PIP5K1B: variants seen among roughly 807,000 people sequenced by gnomAD.
The protein encoded by PIP5K1B is phosphatidylinositol-4-phosphate 5-kinase type 1 beta, also known as phosphatidylinositol 4-phosphate 5-kinase type-1 beta.
A neutral mutation model predicts 67.0 loss-of-function variants in PIP5K1B; 42 were observed. The ratio of observed to expected loss-of-function variants is 0.63; its 90% CI spans 0.49 to 0.81. PIP5K1B has a LOEUF of 0.81. Among genes scored for constraint, PIP5K1B ranks in the 30% least tolerant of loss-of-function variants. The pLI is 0.00. For missense variants in PIP5K1B, 459 were observed against 646.3 expected, an observed-to-expected ratio of 0.71 and a Z score of 3.14; for synonymous variants, 214 against 231.4, an observed-to-expected ratio of 0.92 and a Z score of 0.68.
intron 11 of PIP5K1B, among the ~76,000 whole-genome samples, chr9:68,921,957 G>A (rs1207941957): frequency 1.3e-5 from 2 of 150,094 alleles, no homozygotes; most frequent in Non-Finnish European, 3.0e-5. Flanking sequence ...ATTTTTGTTT[G>A]TTTTCAGACA....
chr9:68,767,250 G>A (rs1436717325), intron 2 of PIP5K1B, among the ~76,000 whole-genome samples: 2 of 152,216 alleles, frequency 1.3e-5, no homozygotes, highest in African/African-American at 2.4e-5. Context: ...TGCACACACT[G>A]CAGATCAATC....
At chr9:68,894,275 T>C in intron 7 of PIP5K1B, 64 bp from the exon 8 acceptor site, 2 of 975,660 alleles carry the variant, frequency 2.0e-6, no homozygotes, top group Admixed American at 4.3e-5. Context: ...AACACATCTT[T>C]AGTGGAGCAT....
intron 9 of PIP5K1B, among the ~76,000 whole-genome samples, chr9:68,919,200 G>C (rs1161268249): frequency 1.3e-5 from 2 of 151,946 alleles, no homozygotes; most frequent in African/African-American, 4.8e-5. Context: ...TTTTAAATTG[G>C]ATTCTTCCCA....
intron 4 of PIP5K1B, among the ~76,000 whole-genome samples, chr9:68,833,939 G>A (rs1364715104): frequency 6.6e-6 from 1 of 152,198 alleles, no homozygotes; most frequent in Non-Finnish European, 1.5e-5. Context: ...TCAAGGAAGA[G>A]GTCTGGGGCT....
chr9:68,736,804 G>C (rs1388863491), intron 1 of PIP5K1B, among the ~76,000 whole-genome samples: 1 of 152,108 alleles, frequency 6.6e-6, no homozygotes, highest in African/African-American at 2.4e-5. Context: ...CCATTTTGAG[G>C]CACTTAATTT....
intron 5 of PIP5K1B, among the ~76,000 whole-genome samples, chr9:68,874,872 G>A (rs1823798864): frequency 6.6e-6 from 1 of 152,184 alleles, no homozygotes; most frequent in African/African-American, 2.4e-5. Context: ...TTGCAAAAGT[G>A]AGGAAGGATG....
intron 14 of PIP5K1B, among the ~76,000 whole-genome samples, chr9:68,961,436 A>T (rs1376994408): frequency 6.6e-6 from 1 of 152,248 alleles, no homozygotes; most frequent in Non-Finnish European, 1.5e-5. Context: ...GCAACTAATT[A>T]TATGGTATAC....
intron 1 of PIP5K1B, among the ~76,000 whole-genome samples, chr9:68,729,310 A>G (rs1419999812): frequency 6.6e-6 from 1 of 152,122 alleles, no homozygotes; most frequent in Admixed American, 6.6e-5. Flanking sequence ...TTCTACTTGA[A>G]ATATATAATT....
At chr9:68,973,166 G>T (rs1056491769) in intron 14 of PIP5K1B, among the ~76,000 whole-genome samples, 1 of 152,134 alleles carries the variant, frequency 6.6e-6, no homozygotes, top group Non-Finnish European at 1.5e-5. Flanking sequence ...GCCTGCTCCC[G>T]CAACAGCTCA....
Position 68,705,570 on chromosome 9 carries a change from G to C in PIP5K1B, c.-435G>C, listed in dbSNP as rs1359340035. ...CCCCGCGGCTCCAGCCCCGGCACCT[G>C]CCCGCCCTCAGCGTTGCCCCCGGCC... On this transcript the variant is annotated 5_prime_UTR_variant, in exon 1 of 16. Coordinates refer to ENST00000265382, the MANE Select transcript of PIP5K1B (RefSeq NM_003558.4). The C allele has an allele frequency of 1.4e-5, 2 of 146,836 alleles. No homozygotes were observed. The highest frequency in any genetic ancestry group is 5.1e-5 in the African/African-American group (2 of 39,522). The allele number at this position is 146,836 out of a possible 1,614,324, so 9.1% of individuals were successfully genotyped here. A position where few individuals can be genotyped will look rare whatever the true frequency, so the allele number is the denominator to read the frequency against.
At position 68,737,635 on chromosome 9, in the gene PIP5K1B, T is replaced by A. The variant is rs76009915; in HGVS notation, c.-242-4866T>A. Among the ~76,000 whole-genome samples the A allele has an allele frequency of 1.5e-3, 231 of 152,324 alleles. 1 individual carries two copies. The highest frequency in any genetic ancestry group is 5.2e-3 in the African/African-American group (216 of 41,572). On this transcript the variant is annotated intron_variant, in intron 1 of 15. Coordinates refer to ENST00000265382, the MANE Select transcript of PIP5K1B (RefSeq NM_003558.4). ...ATCATCTTTGAGCCATTGCTGGTGA[T>A]TGTTGAGTGAACTTGGAGAGTGGCA...
At chr9:68,830,323 C>T (rs188539808) in intron 4 of PIP5K1B, among the ~76,000 whole-genome samples, 5 of 152,264 alleles carry the variant, frequency 3.3e-5, no homozygotes, top group East Asian at 3.9e-4. Context: ...CTGTCTCCTT[C>T]CTCACTAAGT....
intron 15 of PIP5K1B, among the ~76,000 whole-genome samples, chr9:69,007,904 C>T (rs1243808675): frequency 2.0e-5 from 3 of 151,986 alleles, no homozygotes; most frequent in Non-Finnish European, 4.4e-5. Flanking sequence ...ATGTGTCTGT[C>T]TCTAAAGGCT....
chr9:68,832,139 C>T (rs1046874153), intron 4 of PIP5K1B, among the ~76,000 whole-genome samples: 5 of 152,128 alleles, frequency 3.3e-5, no homozygotes, highest in African/African-American at 9.7e-5. Context: ...AAAAAAATCC[C>T]TTGGGCACTG....
intron 8 of PIP5K1B, among the ~76,000 whole-genome samples, chr9:68,911,304 C>T (rs1472360506): frequency 1.3e-5 from 2 of 149,506 alleles, no homozygotes; most frequent in Non-Finnish European, 3.0e-5. Flanking sequence ...ACCCGGGAAG[C>T]GGAGGTTGCA....
intron 8 of PIP5K1B, among the ~76,000 whole-genome samples, chr9:68,902,105 T>C (rs914270965): frequency 2.6e-5 from 4 of 152,200 alleles, no homozygotes; most frequent in Non-Finnish European, 4.4e-5. Context: ...GTTTTTCAGC[T>C]TTTTTCAGAT....
intron 4 of PIP5K1B, among the ~76,000 whole-genome samples, chr9:68,835,837 A>ATTTTTT (rs9314823): frequency 1.1e-3 from 165 of 144,312 alleles, no homozygotes; most frequent in East Asian, 7.0e-3. Context: ...TAGAAAGTGA[A>ATTTTTT]TTTTTTTTTT....
chr9:68,758,839 C>T (rs1037227448), intron 2 of PIP5K1B, among the ~76,000 whole-genome samples: 1 of 151,682 alleles, frequency 6.6e-6, no homozygotes, highest in Non-Finnish European at 1.5e-5. Flanking sequence ...AAACCCAAGA[C>T]AAGAAAAAAT....
chr9:68,715,957 A>G (rs768068673), intron 1 of PIP5K1B, among the ~76,000 whole-genome samples: 3 of 152,220 alleles, frequency 2.0e-5, no homozygotes, highest in African/African-American at 4.8e-5. Context: ...TACCTGAGAT[A>G]CTAGTGTCTT....
Sources: gnomAD v4.1 joint callset for allele counts (sites outside exome capture counted in the v4.1 genomes callset) on GRCh38, gnomAD v4.1.1 for gene constraint, MANE v1.5 for transcripts, NCBI Gene and HGNC (gene_info 2026-07-23, HGNC 2026-07-21) for gene names.